The following MELK variants were observed in gnomAD, a reference collection of about 807,000 sequenced individuals.
MELK encodes the protein pEg3 kinase.
A neutral mutation model predicts 85.0 loss-of-function variants in MELK; 81 were observed. The observed-to-expected ratio is 0.95, with a 90% CI of 0.80 to 1.15. The LOEUF (loss-of-function observed/expected upper bound fraction) is 1.15. Among genes scored for constraint, MELK ranks in the 50% most tolerant of loss-of-function variants. The pLI is 0.00. For missense variants in MELK, 754 were observed against 777.5 expected, an observed-to-expected ratio of 0.97 and a Z score of 0.36; for synonymous variants, 252 against 265.0, an observed-to-expected ratio of 0.95 and a Z score of 0.48.
At chr9:36,642,966 T>G in intron 10 of MELK, 31 bp from the exon 11 acceptor site, 1 of 1,505,628 alleles carries the variant, frequency 6.6e-7, no homozygotes, top group Non-Finnish European at 9.1e-7. Flanking sequence ...TGTAATTTTT[T>G]GTTAATAAAG....
rs116620621 is a variant in MELK, at chr9:36,651,765, C to T, written c.941C>T (p.Thr314Met). ...LISLWQYDHL[T>M]ATYLLLLAKK... ...CTTTAGTGGCAGTATGATCACCTCA[C>T]GGCTACCTATCTTCTGCTTCTAGCC... Residue 314 changes from threonine to methionine, a missense_variant, in exon 12 of 18, where the codon ACG (threonine) becomes ATG (methionine). Transcript: ENST00000298048. 6.9e-5 allele frequency: 112 copies of T among 1,613,868 alleles called. 1 individual carries two copies. The African/African-American group carries it at 9.2e-4, about 13-fold the overall frequency.
chr9:36,662,028 G>A (rs1018648716), intron 13 of MELK, among the ~76,000 whole-genome samples: 7 of 150,900 alleles, frequency 4.6e-5, no homozygotes, highest in Middle Eastern at 3.4e-3. Context: ...TGAATTGAGC[G>A]CTTACCCAAC....
At chr9:36,648,799 C>G (rs1032632884) in intron 11 of MELK, among the ~76,000 whole-genome samples, 3 of 152,084 alleles carry the variant, frequency 2.0e-5, no homozygotes, top group Admixed American at 1.3e-4. Context: ...TTGAGCAGCC[C>G]CATCATACAC....
At chr9:36,647,337 A>G (rs903932055) in intron 11 of MELK, among the ~76,000 whole-genome samples, 26 of 152,274 alleles carry the variant, frequency 1.7e-4, no homozygotes, top group Admixed American at 1.2e-3. Context: ...AAAGGTGGCT[A>G]TCGTACATGG....
intron 8 of MELK, 38 bp downstream of exon 8, chr9:36,607,711 TTTCTA>T: frequency 7.5e-7 from 1 of 1,327,110 alleles, no homozygotes; most frequent in Non-Finnish European, 1.1e-6. Context: ...ATGTAGAACT[TTTCTA>T]TACCGAATAG....
chr9:36,603,498 T>C (rs1268009523), intron 7 of MELK, among the ~76,000 whole-genome samples: 3 of 151,824 alleles, frequency 2.0e-5, no homozygotes, highest in Non-Finnish European at 4.4e-5. Flanking sequence ...GTGGCATGAC[T>C]ATGGCTCACG....
In MELK at chr9:36,677,493, A is replaced by G. The variant is rs1054294704; in HGVS notation, c.*156A>G. 9.9e-6 allele frequency: 6 copies of G among 604,082 alleles called. No individual in the cohort carries two copies. The highest frequency in any genetic ancestry group is 9.4e-5 in the African/African-American group (5 of 53,444). 37.4% of individuals were successfully genotyped at this position (604,082 alleles called of 1,614,324 possible). On this transcript the variant is annotated 3_prime_UTR_variant, in exon 18 of 18. Transcript: ENST00000298048. ...ATATCTCTTTGTTTTTAAACAAAAG[A>G]TATTATTTTGTGTATGAATCTAAAT... is the stretch of plus-strand genomic sequence containing the variant.
rs150506203 is a variant in MELK, at chr9:36,581,466, A to G, written c.-38-178A>G. Among the ~76,000 whole-genome samples the G allele has an allele frequency of 3.2e-3, 481 of 152,150 alleles. 3 individuals carry two copies. Among genetic ancestry groups the G allele is most frequent in the Middle Eastern group, 0.02 (6 of 294 alleles). Reference sequence around the variant, plus strand: ...TTTATGTTTCATACTTTTTAAGTCTATCTGGAATTCATTTTTATGTATGGT... The same window carrying G: ...TTTATGTTTCATACTTTTTAAGTCTGTCTGGAATTCATTTTTATGTATGGT... On this transcript the variant is annotated intron_variant, in intron 1 of 17. Transcript: ENST00000298048.
At position 36,665,503 on chromosome 9, in the gene MELK, C is replaced by G; in HGVS notation, c.1330C>G (p.Pro444Ala). The change falls in exon 14 of 18, where the codon CCA (proline) becomes GCA (alanine). Residue 444 changes from proline (P) to alanine (A), a missense_variant. Transcript: ENST00000298048. ...TGAAGAGTACTTTATGTTTCCTGAG[C>G]CAAAGACTCCAGTTAATAAGAACCA... is the stretch of plus-strand genomic sequence containing the variant. ...KNEEYFMFPEPKTPVNKNQHK... is the reference protein window; with the variant it reads ...KNEEYFMFPEAKTPVNKNQHK... 1 of 1,613,784 alleles carries G rather than the reference C, an allele frequency of 6.2e-7. No individual in the cohort carries two copies. Among genetic ancestry groups the G allele is most frequent in the Non-Finnish European group, 8.5e-7 (1 of 1,179,876 alleles).
chr9:36,606,513 T>C (rs141475841), intron 7 of MELK, among the ~76,000 whole-genome samples: 2,108 of 130,528 alleles, frequency 0.016, 89 homozygotes, highest in African/African-American at 0.059. Context: ...AATACATATG[T>C]ATAGGTGTGT....
chr9:36,584,719 C>CTT (rs869168768), intron 3 of MELK, among the ~76,000 whole-genome samples: 42 of 129,746 alleles, frequency 3.2e-4, no homozygotes, highest in East Asian at 1.8e-3. Context: ...TATGTCCTAG[C>CTT]TTTTTTTTTT....
chr9:36,654,256 C>T (rs1172740827), intron 12 of MELK, among the ~76,000 whole-genome samples: 1 of 151,810 alleles, frequency 6.6e-6, no homozygotes, highest in African/African-American at 2.4e-5. Context: ...ATACGTATAC[C>T]TCTATGCTTA....
At chr9:36,663,224 G>A (rs1246551764) in intron 13 of MELK, among the ~76,000 whole-genome samples, 2 of 151,848 alleles carry the variant, frequency 1.3e-5, no homozygotes, top group African/African-American at 4.8e-5. Context: ...GGGATTACAG[G>A]TGCCTGTCCC....
intron 3 of MELK, among the ~76,000 whole-genome samples, chr9:36,584,312 TTTTC>T (rs1054838289): frequency 7.2e-6 from 1 of 138,496 alleles, no homozygotes; most frequent in African/African-American, 2.7e-5. Context: ...GCCTCTTTTC[TTTTC>T]TTTACTTTTT....
intron 1 of MELK, among the ~76,000 whole-genome samples, chr9:36,576,439 C>G (rs908203333): frequency 6.6e-6 from 1 of 152,094 alleles, no homozygotes; most frequent in East Asian, 1.9e-4. Context: ...GAAGACTGAA[C>G]CTTGTTTTTT....
intron 3 of MELK, among the ~76,000 whole-genome samples, chr9:36,588,123 C>G (rs1823134338): frequency 6.6e-6 from 1 of 151,090 alleles, no homozygotes; most frequent in South Asian, 2.1e-4. Flanking sequence ...CTGGATCGAT[C>G]TCGGCTCACC....
intron 8 of MELK, among the ~76,000 whole-genome samples, chr9:36,625,653 G>A (rs796328585): frequency 9.8e-5 from 15 of 152,294 alleles, no homozygotes; most frequent in African/African-American, 3.6e-4. Flanking sequence ...CAGCTAGGTG[G>A]CTCATGCCTG....
chr9:36,651,994 T>C (rs1224677003), intron 12 of MELK, 117 bp downstream of exon 12: 1 of 1,010,516 alleles, frequency 9.9e-7, no homozygotes, highest in Non-Finnish European at 1.3e-6. Context: ...GTTTTATGAT[T>C]TCAATATTTT....
rs926037383 is a variant in MELK at position 36,665,593 on chromosome 9, G to C, written c.1408+12G>C. 6.3e-7 allele frequency: 1 copy of C among 1,586,400 alleles called. No homozygotes were observed. The highest frequency in any genetic ancestry group is 8.6e-7 in the Non-Finnish European group (1 of 1,159,182). ...TACACCCTCAAAAGGTATTTGCTAA[G>C]TGAATTAAGCAGTAAGAAGTTTCAT... On this transcript the variant is annotated intron_variant, in intron 14 of 17. Transcript: ENST00000298048.
Sources: gnomAD v4.1 joint callset for allele counts (sites outside exome capture counted in the v4.1 genomes callset) on GRCh38, gnomAD v4.1.1 for gene constraint, MANE v1.5 for transcripts, NCBI Gene and HGNC (gene_info 2026-07-23, HGNC 2026-07-21) for gene names.